The following DGKB variants were observed in gnomAD, a reference collection of about 807,000 sequenced individuals.
The protein encoded by DGKB is 90 kDa diacylglycerol kinase.
Under a neutral mutation model 114.3 loss-of-function variants are expected in DGKB, and 67 were observed. That is an observed-to-expected ratio of 0.59 (90% CI 0.48 to 0.72). The LOEUF (loss-of-function observed/expected upper bound fraction) is 0.72, where lower values mean the gene tolerates loss of function less well. Among genes scored for constraint, DGKB ranks in the 30% least tolerant of loss-of-function variants. DGKB has a pLI of 0.00. For synonymous variants in DGKB, 398 were observed against 323.1 expected (o/e 1.23, Z -2.49); for missense variants, 907 against 975.2 (o/e 0.93, Z 0.93).
intron 19 of DGKB, among the ~76,000 whole-genome samples, chr7:14,575,185 C>A (rs1798943399): frequency 1.3e-5 from 2 of 152,084 alleles, no homozygotes; most frequent in South Asian, 4.2e-4. Context: ...GGAAAGCACC[C>A]TTTCAAAATA....
chr7:14,915,619 G>T (rs1587373079), intron 1 of DGKB, among the ~76,000 whole-genome samples: 1 of 152,130 alleles, frequency 6.6e-6, no homozygotes, highest in East Asian at 1.9e-4. Flanking sequence ...ATTACACTGT[G>T]CCTCTAATCA....
intron 23 of DGKB, among the ~76,000 whole-genome samples, chr7:14,256,182 A>G (rs1266287020): frequency 6.6e-6 from 1 of 152,046 alleles, no homozygotes; most frequent in Non-Finnish European, 1.5e-5. Context: ...TTTATCTCTC[A>G]TATTATCTTC....
rs139305819 is a variant in DGKB, at chr7:14,223,145, A to G, written c.2123-44994T>C. Among the ~76,000 whole-genome samples, 310 of 151,848 alleles carry G rather than the reference A, an allele frequency of 2.0e-3. 2 individuals carry two copies. The highest frequency in any genetic ancestry group is 0.018 in the East Asian group (91 of 5,166). The stretch of plus-strand genomic sequence containing the variant: ...CCATTCACACTTACTACCATTGTTG[A>G]TATGGCTGGATTCATGTCTGCCATC... On this transcript the variant is annotated intron_variant, in intron 23 of 25. Transcript: ENST00000402815.
chr7:14,963,119 AG>A (rs966204937), intron 1 of DGKB, among the ~76,000 whole-genome samples: 16 of 152,126 alleles, frequency 1.1e-4, no homozygotes, highest in Non-Finnish European at 1.5e-5. Context: ...TCCAAAATAA[AG>A]GATGCTTATC....
At position 14,824,502 on chromosome 7, in the gene DGKB, A is replaced by G. The variant is rs566649411; in HGVS notation, c.70+16692T>C. 2.6e-5 allele frequency among the ~76,000 whole-genome samples: 4 copies of G among 152,236 alleles called. No individual in the cohort carries two copies. In the South Asian group the frequency reaches 8.3e-4, roughly 32 times the overall value. ...TCAAATTTAGATATTTTGTGAAATG[A>G]AATTACCAAGTTATTTTTATTCCTA... On this transcript the variant is annotated intron_variant, in intron 2 of 25. Transcript: ENST00000402815.
intron 13 of DGKB, among the ~76,000 whole-genome samples, chr7:14,660,962 C>T (rs1340429946): frequency 6.7e-6 from 1 of 149,928 alleles, no homozygotes; most frequent in Non-Finnish European, 1.5e-5. Flanking sequence ...GAAAGGATTC[C>T]CTATTTAATA....
chr7:14,468,966 G>T (rs1554453289), intron 21 of DGKB, among the ~76,000 whole-genome samples: 2 of 151,992 alleles, frequency 1.3e-5, no homozygotes, highest in Non-Finnish European at 1.5e-5. Flanking sequence ...TAAAATATTT[G>T]CATGGAAATG....
intron 24 of DGKB, among the ~76,000 whole-genome samples, chr7:14,177,493 G>T (rs1310837134): frequency 1.5e-5 from 2 of 136,656 alleles, no homozygotes; most frequent in African/African-American, 5.5e-5. Flanking sequence ...AGGTGGGGTT[G>T]CAGTGAGCCA....
chr7:14,463,982 G>A lies in DGKB; in HGVS notation c.1835+14179C>T, dbSNP rs566760864. Among the ~76,000 whole-genome samples the A allele has an allele frequency of 5.3e-5, 8 of 151,508 alleles. No homozygotes were observed. The East Asian group carries it at 9.7e-4, about 18-fold the overall frequency. On this transcript the variant is annotated intron_variant, in intron 21 of 25. Transcript: ENST00000402815. The stretch of plus-strand genomic sequence containing the variant: ...AATAACTGAGAATAAAAATAAGATT[G>A]GGACTAACGATTAGTGATATTAGCT...
intron 4 of DGKB, among the ~76,000 whole-genome samples, chr7:14,743,271 A>T (rs1264013053): frequency 2.0e-5 from 3 of 152,172 alleles, no homozygotes; most frequent in Non-Finnish European, 2.9e-5. Flanking sequence ...ATAATGAAAG[A>T]TTTTCATGTG....
chr7:14,186,340 C>G (rs184682739), intron 23 of DGKB, among the ~76,000 whole-genome samples: 2 of 152,118 alleles, frequency 1.3e-5, no homozygotes, highest in African/African-American at 2.4e-5. Context: ...CAAGAATGAC[C>G]ATAATCAAAA....
chr7:14,230,506 C>T (rs1791547169), intron 23 of DGKB, among the ~76,000 whole-genome samples: 1 of 142,454 alleles, frequency 7.0e-6, no homozygotes, highest in Non-Finnish European at 1.6e-5. Context: ...AAATACTCCA[C>T]AAATTAAAAA....
chr7:14,291,476 C>G (rs1452516950), intron 23 of DGKB, among the ~76,000 whole-genome samples: 1 of 152,136 alleles, frequency 6.6e-6, no homozygotes, highest in East Asian at 1.9e-4. Flanking sequence ...AAAATATCTT[C>G]TCAGATTTTG....
At chr7:14,387,962 C>A (rs1317569654) in intron 21 of DGKB, among the ~76,000 whole-genome samples, 3 of 150,476 alleles carry the variant, frequency 2.0e-5, no homozygotes, top group Non-Finnish European at 4.4e-5. Flanking sequence ...TCACTGCAAC[C>A]TCCACCCCCC....
chr7:14,656,021 G>T (rs982830981), intron 13 of DGKB, among the ~76,000 whole-genome samples: 1 of 151,600 alleles, frequency 6.6e-6, no homozygotes, highest in African/African-American at 2.4e-5. Context: ...AGCTAGACTG[G>T]AGAATTATGA....
At chr7:14,841,150 G>C (rs1847877974) in intron 2 of DGKB, 44 bp downstream of exon 2, 1 of 1,489,580 alleles carries the variant, frequency 6.7e-7, no homozygotes, top group East Asian at 2.3e-5. Context: ...ACTTTGTCTA[G>C]CACAAATGTC....
intron 17 of DGKB, among the ~76,000 whole-genome samples, chr7:14,606,391 A>G (rs1392523801): frequency 6.6e-6 from 1 of 152,200 alleles, no homozygotes; most frequent in Non-Finnish European, 1.5e-5. Flanking sequence ...CTGATCCCAG[A>G]CAGCAGGCAG....
chr7:14,818,345 C>T (rs10265013), intron 2 of DGKB, among the ~76,000 whole-genome samples: 70 of 152,272 alleles, frequency 4.6e-4, no homozygotes, highest in African/African-American at 1.6e-3. Flanking sequence ...AACTCTGCCT[C>T]CTCTAATGCA....
At chr7:14,808,109 T>A (rs1486242396) in intron 2 of DGKB, among the ~76,000 whole-genome samples, 2 of 152,054 alleles carry the variant, frequency 1.3e-5, no homozygotes, top group Non-Finnish European at 2.9e-5. Flanking sequence ...CTTTAGAGGT[T>A]CCTCTTTTAG....
Sources: allele counts gnomAD v4.1 joint callset (sites outside exome capture counted in the v4.1 genomes callset), GRCh38; gene constraint gnomAD v4.1.1; transcripts MANE v1.5; gene names NCBI Gene and HGNC (gene_info 2026-07-23, HGNC 2026-07-21).